ADGRL2: variants seen among roughly 807,000 people sequenced by gnomAD.
ADGRL2 encodes calcium-independent alpha-latrotoxin receptor 2.
Under a neutral mutation model 157.4 loss-of-function variants are expected in ADGRL2, and 44 were observed. The observed-to-expected ratio is 0.28, with a 90% CI of 0.22 to 0.36. ADGRL2 has a LOEUF of 0.36. Among genes scored for constraint, ADGRL2 ranks in the 10% least tolerant of loss-of-function variants. The probability of loss-of-function intolerance (pLI) is 1.00; values close to 1 mark genes in which losing one functional copy is unlikely to be tolerated. For missense variants in ADGRL2, 1,510 were observed against 1,768.9 expected (o/e 0.85, Z 2.63); for synonymous variants, 585 against 624.7 (o/e 0.94, Z 0.95).
At chr1:81,476,273 A>T (rs888631916) in intron 2 of ADGRL2, among the ~76,000 whole-genome samples, 5 of 152,196 alleles carry the variant, frequency 3.3e-5, no homozygotes, top group African/African-American at 1.2e-4. Flanking sequence ...TTAGGTCTCC[A>T]CTATTATACC....
chr1:81,966,336 C>T lies in ADGRL2; in HGVS notation c.2144-68C>T, dbSNP rs2149278664. ...TGCCTTAGGACTTCATCATTTTATT[C>T]TTATTTTATCTTAGTTTATTAACAA... On this transcript the variant is annotated intron_variant, in intron 12 of 23. Coordinates refer to ENST00000686636, the MANE Select transcript of ADGRL2 (RefSeq NM_001366006.2). 4.6e-6 allele frequency: 7 copies of T among 1,533,214 alleles called. No homozygotes were observed. In the South Asian group the frequency reaches 5.7e-5, roughly 13 times the overall value. The allele number at this position is 1,533,214 out of a possible 1,614,324, so 95.0% of individuals were successfully genotyped here. A position where few individuals can be genotyped will look rare whatever the true frequency, so the allele number is the denominator to read the frequency against.
intron 2 of ADGRL2, among the ~76,000 whole-genome samples, chr1:81,784,211 A>C (rs1421370140): frequency 6.6e-6 from 1 of 152,210 alleles, no homozygotes; most frequent in Non-Finnish European, 1.5e-5. Context: ...TTTTCAACAG[A>C]TCTTTTTCAA....
intron 1 of ADGRL2, among the ~76,000 whole-genome samples, chr1:81,336,752 G>C (rs1661666241): frequency 6.6e-6 from 1 of 152,156 alleles, no homozygotes. Context: ...CTGGGTAGAA[G>C]AGGGCAGTCC....
At chr1:81,535,717 A>G (rs1478605902) in intron 2 of ADGRL2, among the ~76,000 whole-genome samples, 1 of 152,180 alleles carries the variant, frequency 6.6e-6, no homozygotes, top group African/African-American at 2.4e-5. Context: ...GGCAGATGAA[A>G]TTATGTTGCA....
intron 17 of ADGRL2, among the ~76,000 whole-genome samples, chr1:81,976,285 A>G (rs1462006549): frequency 6.6e-6 from 1 of 151,996 alleles, no homozygotes; most frequent in African/African-American, 2.4e-5. Context: ...GCTTTATTTC[A>G]TAATTAATTA....
At chr1:81,601,418 A>T (rs74528362) in intron 3 of ADGRL2, among the ~76,000 whole-genome samples, 3,569 of 152,272 alleles carry the variant, frequency 0.023, 139 homozygotes, top group African/African-American at 0.082. Context: ...TCACTTTAGC[A>T]CTGATCTTAT....
intron 21 of ADGRL2, among the ~76,000 whole-genome samples, chr1:81,986,314 A>G (rs1212714316): frequency 2.0e-5 from 3 of 152,126 alleles, no homozygotes; most frequent in Non-Finnish European, 2.9e-5. Context: ...TTCTTGTTAT[A>G]TAGAATTTGT....
chr1:81,430,139 A>C (rs2077294567), intron 1 of ADGRL2, among the ~76,000 whole-genome samples: 1 of 152,146 alleles, frequency 6.6e-6, no homozygotes, highest in South Asian at 2.1e-4. Context: ...GTGATCCGCC[A>C]GCCTGGGCCT....
At chr1:81,877,102 G>A (rs1426987007) in intron 2 of ADGRL2, among the ~76,000 whole-genome samples, 2 of 152,066 alleles carry the variant, frequency 1.3e-5, no homozygotes, top group Admixed American at 6.6e-5. Context: ...AATTGTCCAT[G>A]ATCAACAACA....
intron 1 of ADGRL2, among the ~76,000 whole-genome samples, chr1:81,436,028 G>A (rs956834831): frequency 6.6e-6 from 1 of 152,196 alleles, no homozygotes; most frequent in Non-Finnish European, 1.5e-5. Flanking sequence ...CTGGGAGGCA[G>A]ATGTTGCGGT....
At chr1:81,801,421 C>T (rs946866358) in intron 1 of ADGRL2, among the ~76,000 whole-genome samples, 1 of 152,196 alleles carries the variant, frequency 6.6e-6, no homozygotes, top group Non-Finnish European at 1.5e-5. Flanking sequence ...GTCTCTCTCT[C>T]TCTCCCTCTC....
At chr1:81,770,684 G>C (rs1372505825) in intron 2 of ADGRL2, among the ~76,000 whole-genome samples, 3 of 149,742 alleles carry the variant, frequency 2.0e-5, no homozygotes, top group Non-Finnish European at 4.4e-5. Flanking sequence ...TGTTGGTCAG[G>C]CTGGTCTCAA....
intron 1 of ADGRL2, among the ~76,000 whole-genome samples, chr1:81,356,312 A>C (rs1484858041): frequency 6.6e-6 from 1 of 152,266 alleles, no homozygotes; most frequent in African/African-American, 2.4e-5. Flanking sequence ...TTCCTTTCAG[A>C]GAAGATTCTC....
intron 1 of ADGRL2, chr1:81,426,535 A>T: frequency 2.3e-6 from 1 of 431,956 alleles, no homozygotes; most frequent in Non-Finnish European, 4.6e-6. Flanking sequence ...GAGGATCATG[A>T]TCCAAAGGAA....
At chr1:81,565,839 TTTAGGTA>T (rs1488594882) in intron 2 of ADGRL2, among the ~76,000 whole-genome samples, 1 of 152,188 alleles carries the variant, frequency 6.6e-6, no homozygotes, top group Non-Finnish European at 1.5e-5. Flanking sequence ...TGGGAAGTGA[TTTAGGTA>T]CACTAAAACA....
At chr1:81,621,742 T>G in intron 3 of ADGRL2, among the ~76,000 whole-genome samples, 1 of 152,186 alleles carries the variant, frequency 6.6e-6, no homozygotes, top group South Asian at 2.1e-4. Context: ...TCGGCAGACC[T>G]GTGAGATGAC....
At chr1:81,872,708 A>G (rs2093730823) in intron 2 of ADGRL2, among the ~76,000 whole-genome samples, 1 of 152,070 alleles carries the variant, frequency 6.6e-6, no homozygotes, top group Non-Finnish European at 1.5e-5. Flanking sequence ...CATTTTTTCT[A>G]AAAAGTCATT....
At chr1:81,724,188 C>T (rs2084432225) in intron 1 of ADGRL2, among the ~76,000 whole-genome samples, 1 of 152,066 alleles carries the variant, frequency 6.6e-6, no homozygotes, top group South Asian at 2.1e-4. Context: ...TAGTTTCTTA[C>T]TTGGCCGTGA....
At chr1:81,377,984 T>C (rs559111320) in intron 1 of ADGRL2, among the ~76,000 whole-genome samples, 1 of 152,150 alleles carries the variant, frequency 6.6e-6, no homozygotes, top group African/African-American at 2.4e-5. Flanking sequence ...ATCGAGATCA[T>C]CCTGGACAAC....
Sources: allele counts gnomAD v4.1 joint callset (sites outside exome capture counted in the v4.1 genomes callset), GRCh38; gene constraint gnomAD v4.1.1; transcripts MANE v1.5; gene names NCBI Gene and HGNC (gene_info 2026-07-23, HGNC 2026-07-21).